The following MMS22L variants were observed in gnomAD, a reference collection of about 807,000 sequenced individuals.
The protein encoded by MMS22L is protein MMS22-like.
Under a neutral mutation model 159.1 loss-of-function variants are expected in MMS22L, and 74 were observed. The observed-to-expected ratio is 0.47, with a 90% confidence interval of 0.39 to 0.56. The LOEUF is 0.56. MMS22L is among the 20% of genes least tolerant of loss of function. The pLI, the probability that MMS22L is intolerant of heterozygous loss-of-function variation, is 0.00. For synonymous variants in MMS22L, 517 were observed against 506.9 expected (o/e 1.02, Z -0.27); for missense variants, 1,351 against 1,422.1 (o/e 0.95, Z 0.80).
chr6:97,267,739 C>G (rs1815288457), intron 8 of MMS22L, 133 bp downstream of exon 8: 2 of 779,052 alleles, frequency 2.6e-6, no homozygotes, highest in Non-Finnish European at 3.5e-6. Context: ...TTTCAGCTCC[C>G]AGATAATAGC....
intron 14 of MMS22L, among the ~76,000 whole-genome samples, chr6:97,188,961 AAATAATTTAAAAATAATAATAAT>A (rs1394530338): frequency 2.0e-5 from 3 of 151,316 alleles, no homozygotes; most frequent in African/African-American, 7.3e-5. Flanking sequence ...GACTTTCTCA[AAATAATTTAAAAATAATAATAAT>A]AATAAATAAA....
chr6:97,271,605 C>T (rs1815743366), intron 6 of MMS22L: 1 of 152,160 alleles, frequency 6.6e-6, no homozygotes, highest in Admixed American at 6.5e-5. Context: ...TTTATTATTA[C>T]ATATATTGAT....
At chr6:97,151,494 T>G (rs1048926889) in intron 23 of MMS22L, 3 of 352,452 alleles carry the variant, frequency 8.5e-6, no homozygotes, top group African/African-American at 6.3e-5. Context: ...TCAGAACTTA[T>G]CCCTATCGTT....
chr6:97,272,697 G>A lies in MMS22L; in HGVS notation c.606+7C>T, dbSNP rs777899362. 5.0e-6 allele frequency: 8 copies of A among 1,602,114 alleles called. No individual in the cohort carries two copies. In the Admixed American group the frequency reaches 5.2e-5, roughly 10 times the overall value. ...ATAATTTAAAAATCAAATGAAACAA[G>A]TCAAACCTTAATCTGGTTTTGATTT... On this transcript the variant is annotated splice_region_variant and intron_variant, in intron 6 of 24. Transcript: ENST00000683635.
At chr6:97,192,160 TG>T (rs1211847471) in intron 14 of MMS22L, among the ~76,000 whole-genome samples, 1 of 144,554 alleles carries the variant, frequency 6.9e-6, no homozygotes, top group Non-Finnish European at 1.5e-5. Context: ...GGTAAGTAGG[TG>T]GTAGACGGAT....
chr6:97,151,661 T>C, intron 23 of MMS22L, 110 bp downstream of exon 23: 1 of 813,748 alleles, frequency 1.2e-6, no homozygotes, highest in Non-Finnish European at 2.0e-6. Flanking sequence ...TGAAATACTA[T>C]AAACAAGTAG....
At chr6:97,263,556 A>G in intron 8 of MMS22L, 108 bp from the exon 9 acceptor site, 1 of 495,786 alleles carries the variant, frequency 2.0e-6, no homozygotes. Context: ...CTAAGAATTT[A>G]TTCTCAATTA....
chr6:97,279,559 TG>T (rs1240129435), intron 3 of MMS22L, among the ~76,000 whole-genome samples: 1 of 151,470 alleles, frequency 6.6e-6, no homozygotes, highest in Non-Finnish European at 1.5e-5. Context: ...CCAAGGCAGG[TG>T]GAACACCTGA....
chr6:97,246,731 G>C (rs1327158218), intron 10 of MMS22L, 41 bp from the exon 11 acceptor site: 2 of 1,399,276 alleles, frequency 1.4e-6, no homozygotes, highest in Admixed American at 1.8e-5. Flanking sequence ...TATTGCTCTT[G>C]ATTATGCCTA....
intron 10 of MMS22L, among the ~76,000 whole-genome samples, chr6:97,250,234 T>G (rs1180614615): frequency 6.6e-6 from 1 of 152,144 alleles, no homozygotes; most frequent in Non-Finnish European, 1.5e-5. Flanking sequence ...ATTTCAGCAT[T>G]AAAACTAAGA....
chr6:97,241,537 T>C (rs527922490), intron 11 of MMS22L, among the ~76,000 whole-genome samples: 2 of 152,338 alleles, frequency 1.3e-5, no homozygotes, highest in South Asian at 4.1e-4. Context: ...TGATTTGCAT[T>C]TCCCTGATCA....
At chr6:97,191,811 T>C (rs925661222) in intron 14 of MMS22L, among the ~76,000 whole-genome samples, 11 of 152,230 alleles carry the variant, frequency 7.2e-5, no homozygotes, top group Non-Finnish European at 1.5e-4. Flanking sequence ...TACTCTGCCT[T>C]ATTATCCAGG....
intron 14 of MMS22L, among the ~76,000 whole-genome samples, chr6:97,222,193 T>C (rs2127981327): frequency 6.6e-6 from 1 of 152,026 alleles, no homozygotes; most frequent in South Asian, 2.1e-4. Context: ...AGCATAAAAA[T>C]ATTTGAAGAG....
chr6:97,269,469 A>T (rs1385383508), intron 7 of MMS22L, among the ~76,000 whole-genome samples: 1 of 152,220 alleles, frequency 6.6e-6, no homozygotes, highest in African/African-American at 2.4e-5. Context: ...AATGATTTGT[A>T]AAATCAAAAA....
chr6:97,189,424 G>A (rs998172756), intron 14 of MMS22L, among the ~76,000 whole-genome samples: 1 of 151,270 alleles, frequency 6.6e-6, no homozygotes, highest in African/African-American at 2.4e-5. Context: ...AGCCGGGCGT[G>A]GTGACATGTG....
At chr6:97,252,486 A>T (rs1813344645) in intron 10 of MMS22L, among the ~76,000 whole-genome samples, 1 of 151,800 alleles carries the variant, frequency 6.6e-6, no homozygotes, top group Non-Finnish European at 1.5e-5. Flanking sequence ...CTCTACTAAA[A>T]ATACAAAAAT....
intron 7 of MMS22L, among the ~76,000 whole-genome samples, chr6:97,268,912 G>A (rs1815434715): frequency 6.6e-6 from 1 of 151,712 alleles, no homozygotes; most frequent in Admixed American, 6.6e-5. Flanking sequence ...TACATATATA[G>A]ACATATATAT....
rs1259654093 is a variant in MMS22L at position 97,281,230 on chromosome 6, G to C, written c.290+7C>G. 6.3e-7 allele frequency: 1 copy of C among 1,599,198 alleles called. No individual in the cohort carries two copies. The highest frequency in any genetic ancestry group is 2.2e-5 in the East Asian group (1 of 44,554). ...TACACTCACAGAAAGTTATAACGAAGAAATACCTGAATAAATGAAAGAGTT... is the reference window on the plus strand; with the variant it reads ...TACACTCACAGAAAGTTATAACGAACAAATACCTGAATAAATGAAAGAGTT... On this transcript the variant is annotated splice_region_variant and intron_variant, in intron 3 of 24. Transcript: ENST00000683635.
chr6:97,283,246 T>C (rs1671221656), upstream of MMS22L: 1 of 152,184 alleles, frequency 6.6e-6, no homozygotes, highest in African/African-American at 2.4e-5. Flanking sequence ...CTCCCCCGGC[T>C]ACCAATCGCC....
Sources: allele counts gnomAD v4.1 joint callset (sites outside exome capture counted in the v4.1 genomes callset), GRCh38; gene constraint gnomAD v4.1.1; transcripts MANE v1.5; gene names NCBI Gene and HGNC (gene_info 2026-07-23, HGNC 2026-07-21).